Variants in RNF180 observed in about 807,000 individuals in gnomAD.
RNF180 encodes the protein E3 ubiquitin-protein ligase RNF180.
A neutral mutation model predicts 59.2 loss-of-function variants in RNF180; 38 were observed. The observed-to-expected ratio is 0.64, with a 90% CI of 0.50 to 0.84. The LOEUF is 0.84. RNF180 is among the 40% of genes least tolerant of loss of function. The probability of loss-of-function intolerance (pLI) is 0.00; values close to 1 mark genes in which losing one functional copy is unlikely to be tolerated. For missense variants in RNF180, 705 were observed against 700.9 expected (o/e 1.01, Z -0.07); for synonymous variants, 262 against 240.3 (o/e 1.09, Z -0.84).
chr5:64,301,701 A>ATGTGTGTATGTGTG (rs1554041249), intron 5 of RNF180, among the ~76,000 whole-genome samples: 7 of 148,604 alleles, frequency 4.7e-5, no homozygotes, highest in African/African-American at 1.7e-4. Flanking sequence ...CCACATCAGA[A>ATGTGTGTATGTGTG]TGTGTGTGTG....
chr5:64,232,570 T>A (rs979869280), intron 5 of RNF180, among the ~76,000 whole-genome samples: 1 of 152,240 alleles, frequency 6.6e-6, no homozygotes, highest in Non-Finnish European at 1.5e-5. Context: ...TATTTCCTCC[T>A]TTATGTTACT....
chr5:64,213,932 A>G lies in RNF180; in HGVS notation c.606A>G (p.Ala202=). The part of the protein sequence containing the change: ...EMKNEKLLSK[A]SEPKYQLFVP... ...AGAACGAAAAACTGCTGTCCAAAGC[A>G]TCAGAACCAAAATACCAGCTTTTTG... Residue 202 remains alanine, a synonymous_variant, in exon 4 of 8, where the codon GCA becomes GCG. Transcript: ENST00000389100. 6.2e-7 allele frequency: 1 copy of G among 1,614,090 alleles called. No homozygotes were observed. The highest frequency in any genetic ancestry group is 8.5e-7 in the Non-Finnish European group (1 of 1,179,994).
chr5:64,215,037 T>A (rs1229160224), intron 4 of RNF180, among the ~76,000 whole-genome samples: 1 of 152,086 alleles, frequency 6.6e-6, no homozygotes, highest in African/African-American at 2.4e-5. Context: ...ATTGTGAAAA[T>A]TATCTAAAGG....
intron 5 of RNF180, among the ~76,000 whole-genome samples, chr5:64,279,966 G>A (rs567942113): frequency 4.6e-5 from 7 of 152,236 alleles, no homozygotes; most frequent in African/African-American, 1.4e-4. Context: ...GGTGGTGCAC[G>A]CCTGTAGTCC....
intron 5 of RNF180, among the ~76,000 whole-genome samples, chr5:64,260,178 G>A (rs1057248891): frequency 2.0e-5 from 3 of 151,982 alleles, no homozygotes; most frequent in African/African-American, 7.3e-5. Context: ...CCCAACAGAC[G>A]TAATGTGACA....
chr5:64,355,844 G>A (rs1580303503), intron 7 of RNF180, among the ~76,000 whole-genome samples: 1 of 151,846 alleles, frequency 6.6e-6, no homozygotes, highest in African/African-American at 2.4e-5. Flanking sequence ...ATTTACATAT[G>A]CAAAAGAATG....
intron 5 of RNF180, among the ~76,000 whole-genome samples, chr5:64,315,571 C>T (rs1335432168): frequency 6.6e-6 from 1 of 151,612 alleles, no homozygotes; most frequent in Non-Finnish European, 1.5e-5. Context: ...ATGGTGAAAC[C>T]CCTTCTCTAC....
intron 1 of RNF180, among the ~76,000 whole-genome samples, chr5:64,177,817 C>A (rs1477610451): frequency 6.6e-6 from 1 of 151,742 alleles, no homozygotes; most frequent in African/African-American, 2.4e-5. Flanking sequence ...GGTGAAGCAC[C>A]CCAAGACTAG....
chr5:64,180,665 C>T (rs2111941033), intron 1 of RNF180, among the ~76,000 whole-genome samples: 1 of 152,218 alleles, frequency 6.6e-6, no homozygotes, highest in African/African-American at 2.4e-5. Flanking sequence ...CCACCCTTGC[C>T]TCAAGATATA....
chr5:64,256,101 C>G (rs926548832), intron 5 of RNF180, among the ~76,000 whole-genome samples: 5 of 152,154 alleles, frequency 3.3e-5, no homozygotes, highest in African/African-American at 1.2e-4. Flanking sequence ...TGGATATTAG[C>G]CCTTTGTCAG....
chr5:64,187,652 T>C (rs1183310219), intron 1 of RNF180, among the ~76,000 whole-genome samples: 1 of 152,204 alleles, frequency 6.6e-6, no homozygotes, highest in African/African-American at 2.4e-5. Context: ...ACACCGTCTA[T>C]TTGTGTAGAT....
At chr5:64,179,596 A>G (rs1012843321) in intron 1 of RNF180, among the ~76,000 whole-genome samples, 106 of 152,292 alleles carry the variant, frequency 7.0e-4, no homozygotes, top group Non-Finnish European at 5.4e-4. Context: ...CAGCTTTATT[A>G]CTTTTCATTG....
intron 5 of RNF180, among the ~76,000 whole-genome samples, chr5:64,227,964 T>C (rs1015387546): frequency 6.6e-6 from 1 of 152,134 alleles, no homozygotes; most frequent in Admixed American, 6.5e-5. Context: ...TGCTTCCTTG[T>C]CCTGCCTTGT....
chr5:64,330,202 C>A, intron 6 of RNF180, 79 bp from the exon 7 acceptor site: 1 of 928,384 alleles, frequency 1.1e-6, no homozygotes, highest in Non-Finnish European at 1.7e-6. Context: ...TATCAAAATA[C>A]TACAGTATTC....
chr5:64,174,255 C>G (rs1750108343), intron 1 of RNF180, among the ~76,000 whole-genome samples: 1 of 152,044 alleles, frequency 6.6e-6, no homozygotes, highest in Non-Finnish European at 1.5e-5. Flanking sequence ...GTGAATAGTA[C>G]TGTAATAAAC....
intron 1 of RNF180, among the ~76,000 whole-genome samples, chr5:64,172,407 A>G (rs1452795986): frequency 6.6e-6 from 1 of 151,772 alleles, no homozygotes; most frequent in Non-Finnish European, 1.5e-5. Flanking sequence ...GGGTTTAGGA[A>G]CTGAATTTTT....
chr5:64,216,900 CAT>C (rs1752661736), intron 4 of RNF180, among the ~76,000 whole-genome samples: 1 of 152,092 alleles, frequency 6.6e-6, no homozygotes, highest in African/African-American at 2.4e-5. Flanking sequence ...GACTTACACA[CAT>C]GTAAAGGTTT....
At chr5:64,283,420 T>C (rs1041052427) in intron 5 of RNF180, among the ~76,000 whole-genome samples, 3 of 152,204 alleles carry the variant, frequency 2.0e-5, no homozygotes, top group Non-Finnish European at 4.4e-5. Flanking sequence ...CTTGCTTCTT[T>C]ATCTAGTTTG....
Position 64,325,278 on chromosome 5 carries a change from C to G in RNF180, c.1320C>G (p.Phe440Leu). Residue 440 changes from phenylalanine to leucine, a missense_variant, in exon 6 of 8, where the codon TTC becomes TTG. Phe to Leu is a conservative substitution (Grantham distance 22). Transcript: ENST00000389100. ...YICAVCLDVY[F>L]NPYMCYPCHH... is the part of the protein sequence containing the mutation. ...GTGCAGTGTGTCTGGACGTTTATTT[C>G]AACCCTTATATGTGTTACCCTTGCC... The G allele has an allele frequency of 6.4e-7, 1 of 1,551,460 alleles. No homozygotes were observed. Among genetic ancestry groups the G allele is most frequent in the Non-Finnish European group, 8.7e-7 (1 of 1,146,782 alleles).
Sources: gnomAD v4.1 joint callset for allele counts (sites outside exome capture counted in the v4.1 genomes callset) on GRCh38, gnomAD v4.1.1 for gene constraint, MANE v1.5 for transcripts, NCBI Gene and HGNC (gene_info 2026-07-23, HGNC 2026-07-21) for gene names.